The following LSAMP variants were observed in gnomAD, a reference collection of about 807,000 sequenced individuals.
The protein encoded by LSAMP is limbic system-associated membrane protein.
A neutral mutation model predicts 38.6 loss-of-function variants in LSAMP; 7 were observed. The observed-to-expected ratio is 0.18, with a 90% confidence interval of 0.10 to 0.34. The LOEUF (loss-of-function observed/expected upper bound fraction) is 0.34, where lower values mean the gene tolerates loss of function less well. Among genes scored for constraint, LSAMP ranks in the 10% least tolerant of loss-of-function variants. The pLI, the probability that LSAMP is intolerant of heterozygous loss-of-function variation, is 1.00. For missense variants in LSAMP, 313 were observed against 420.0 expected, an observed-to-expected ratio of 0.75 and a Z score of 2.23; for synonymous variants, 154 against 166.8, an observed-to-expected ratio of 0.92 and a Z score of 0.59.
chr3:116,268,695 T>TTTTC (rs10681419), intron 1 of LSAMP, among the ~76,000 whole-genome samples: 52,305 of 151,562 alleles, frequency 0.35, 12,457 homozygotes, highest in African/African-American at 0.68. Flanking sequence ...TTTTTTCTAT[T>TTTTC]TTTCTTTCTT....
intron 3 of LSAMP, among the ~76,000 whole-genome samples, chr3:115,930,067 G>GCAGAGAAT (rs1332378718): frequency 8.4e-5 from 10 of 119,356 alleles, no homozygotes; most frequent in African/African-American, 3.0e-4. Flanking sequence ...AAGCCTATGG[G>GCAGAGAAT]CAGAGAATTA....
intron 1 of LSAMP, among the ~76,000 whole-genome samples, chr3:116,286,781 A>G (rs1274524401): frequency 6.6e-6 from 1 of 152,110 alleles, no homozygotes. Flanking sequence ...TATGTTTGGC[A>G]TCTAGCAAAT....
chr3:116,251,748 CA>C (rs1285739474), intron 1 of LSAMP, among the ~76,000 whole-genome samples: 1 of 69,408 alleles, frequency 1.4e-5, no homozygotes, highest in Non-Finnish European at 3.8e-5. Context: ...TTTCAATTTG[CA>C]AATATTTTAA....
chr3:116,410,267 C>T (rs1264026993), intron 1 of LSAMP, among the ~76,000 whole-genome samples: 1 of 151,928 alleles, frequency 6.6e-6, no homozygotes, highest in Non-Finnish European at 1.5e-5. Flanking sequence ...TGATTCTTGA[C>T]CTCACTAAAT....
intron 3 of LSAMP, among the ~76,000 whole-genome samples, chr3:115,919,769 G>A (rs1937340114): frequency 6.6e-6 from 1 of 152,050 alleles, no homozygotes; most frequent in Admixed American, 6.5e-5. Flanking sequence ...GCACCACCAT[G>A]TCTGACTAAT....
intron 3 of LSAMP, among the ~76,000 whole-genome samples, chr3:115,856,205 C>G (rs1935501441): frequency 6.6e-6 from 1 of 152,106 alleles, no homozygotes; most frequent in Non-Finnish European, 1.5e-5. Flanking sequence ...TGGTGCTTCT[C>G]CAAAATTCAT....
rs553707210 is a variant in LSAMP, at chr3:116,235,436, C to T, written c.156-148880G>A. On this transcript the variant is annotated intron_variant, in intron 1 of 6. Transcript: ENST00000490035. ...CAGGCTTTATTAACTTTAAGAATTA[C>T]GCATCCTCATGCATGAGTGCACAAA... 3.8e-4 allele frequency among the ~76,000 whole-genome samples: 57 copies of T among 151,836 alleles called. 2 individuals are homozygous for T. In the South Asian group the frequency reaches 6.9e-3, roughly 18 times the overall value.
At chr3:115,893,591 A>T (rs1479907426) in intron 3 of LSAMP, among the ~76,000 whole-genome samples, 1 of 152,046 alleles carries the variant, frequency 6.6e-6, no homozygotes, top group Non-Finnish European at 1.5e-5. Flanking sequence ...TTGATCAATC[A>T]TAGTAGAGAA....
intron 1 of LSAMP, among the ~76,000 whole-genome samples, chr3:116,092,571 G>A (rs974524084): frequency 6.6e-6 from 1 of 152,104 alleles, no homozygotes; most frequent in Non-Finnish European, 1.5e-5. Flanking sequence ...TATCTTCCCT[G>A]TTTAGTATAT....
intron 3 of LSAMP, among the ~76,000 whole-genome samples, chr3:115,977,049 G>T (rs1007990062): frequency 6.6e-6 from 1 of 151,914 alleles, no homozygotes; most frequent in Admixed American, 6.6e-5. Flanking sequence ...AACATTGAGC[G>T]GAAGAAATGA....
rs1420301912 is a variant in LSAMP at position 116,155,474 on chromosome 3, C to T, written c.156-68918G>A. ...AACTCCTGACTTCAGGTGATCCACC[C>T]ACCTCTGCCTCCCAAAGTGCTGTTA... is the stretch of plus-strand genomic sequence containing the variant. On this transcript the variant is annotated intron_variant, in intron 1 of 6. Transcript: ENST00000490035. Among the ~76,000 whole-genome samples, 4 of 152,000 alleles carry T rather than the reference C, an allele frequency of 2.6e-5. No individual in the cohort carries two copies. In the East Asian group the frequency reaches 5.8e-4, roughly 22 times the overall value.
rs376642566 is a variant in LSAMP at position 116,143,799 on chromosome 3, G to A, written c.156-57243C>T. On this transcript the variant is annotated intron_variant, in intron 1 of 6. Coordinates refer to ENST00000490035, the MANE Select transcript of LSAMP (RefSeq NM_002338.5). The stretch of plus-strand genomic sequence containing the variant: ...TATTTCATAAATGTGTTGCCTTGTC[G>A]TTTATTTCCTTCCACTTATTTAGGT... Among the ~76,000 whole-genome samples the A allele has an allele frequency of 2.4e-4, 36 of 151,786 alleles. No homozygotes were observed. The South Asian group carries it at 6.2e-3, about 26-fold the overall frequency.
intron 3 of LSAMP, among the ~76,000 whole-genome samples, chr3:115,853,021 T>C (rs888585017): frequency 6.6e-6 from 1 of 152,144 alleles, no homozygotes; most frequent in Non-Finnish European, 1.5e-5. Context: ...CACTCGTCGC[T>C]GGTTAAGGGT....
chr3:116,153,249 C>A (rs945722954), intron 1 of LSAMP, among the ~76,000 whole-genome samples: 1 of 152,060 alleles, frequency 6.6e-6, no homozygotes. Context: ...CCCCTATTAT[C>A]TTTTGGCTCA....
intron 1 of LSAMP, among the ~76,000 whole-genome samples, chr3:116,103,730 G>T (rs1180607680): frequency 6.6e-6 from 1 of 151,792 alleles, no homozygotes; most frequent in Admixed American, 6.6e-5. Context: ...CATGTCACAC[G>T]ATGCTTCACA....
chr3:116,356,831 T>A lies in LSAMP; in HGVS notation c.155+88046A>T, dbSNP rs182029164. On this transcript the variant is annotated intron_variant, in intron 1 of 6. Transcript: ENST00000490035. Reference sequence around the variant, plus strand: ...TTTTTTGAGACGGAGTCTCGCTCTGTGGCCCAGGCTGGAGTGCAGTGGCGC... The same window carrying A: ...TTTTTTGAGACGGAGTCTCGCTCTGAGGCCCAGGCTGGAGTGCAGTGGCGC... 1.5e-3 allele frequency among the ~76,000 whole-genome samples: 227 copies of A among 152,344 alleles called. 2 individuals carry two copies. The highest frequency in any genetic ancestry group is 5.1e-3 in the African/African-American group (213 of 41,590).
intron 1 of LSAMP, among the ~76,000 whole-genome samples, chr3:116,105,694 C>T (rs902654271): frequency 9.9e-5 from 15 of 152,148 alleles, no homozygotes; most frequent in African/African-American, 2.2e-4. Flanking sequence ...GGCCTTTTCA[C>T]TTCTTTTGTG....
chr3:115,872,682 G>A (rs1331204463), intron 3 of LSAMP, among the ~76,000 whole-genome samples: 1 of 152,134 alleles, frequency 6.6e-6, no homozygotes, highest in African/African-American at 2.4e-5. Flanking sequence ...TGAAAACTAT[G>A]TGCTAAGAAT....
At chr3:116,220,067 G>A (rs960016974) in intron 1 of LSAMP, among the ~76,000 whole-genome samples, 26 of 151,890 alleles carry the variant, frequency 1.7e-4, no homozygotes, top group African/African-American at 4.8e-4. Flanking sequence ...CCAGCTATTC[G>A]GAGCTACTTG....
Sources: allele counts gnomAD v4.1 joint callset (sites outside exome capture counted in the v4.1 genomes callset), GRCh38; gene constraint gnomAD v4.1.1; transcripts MANE v1.5; gene names NCBI Gene and HGNC (gene_info 2026-07-23, HGNC 2026-07-21).